The following RAPGEF2 variants were observed in gnomAD, a reference collection of about 807,000 sequenced individuals.
RAPGEF2 encodes the protein PDZ domain containing guanine nucleotide exchange factor (GEF) 1.
A neutral mutation model predicts 186.7 loss-of-function variants in RAPGEF2; 54 were observed. The ratio of observed to expected loss-of-function variants is 0.29; its 90% CI spans 0.23 to 0.36. RAPGEF2 has a LOEUF of 0.36. Ranked by LOEUF, RAPGEF2 falls within the 10% of genes least tolerant of loss-of-function variation. RAPGEF2 has a pLI of 1.00. For synonymous variants in RAPGEF2, 712 were observed against 705.9 expected (o/e 1.01, Z -0.14); for missense variants, 1,532 against 2,045.0 (o/e 0.75, Z 4.84).
intron 22 of RAPGEF2, 88 bp from the exon 23 acceptor site, chr4:159,343,948 A>G (rs991140449): frequency 7.3e-7 from 1 of 1,372,314 alleles, no homozygotes; most frequent in African/African-American, 1.4e-5. Flanking sequence ...CTGCTTATCC[A>G]GAAGTCTAGT....
At chr4:159,307,138 T>A (rs922753234) in intron 8 of RAPGEF2, among the ~76,000 whole-genome samples, 3 of 152,186 alleles carry the variant, frequency 2.0e-5, no homozygotes, top group Non-Finnish European at 4.4e-5. Context: ...AACTCTTGGC[T>A]TATTAGGAAC....
intron 1 of RAPGEF2, among the ~76,000 whole-genome samples, chr4:159,146,764 C>T (rs1169373185): frequency 2.0e-5 from 3 of 152,166 alleles, no homozygotes; most frequent in Non-Finnish European, 2.9e-5. Flanking sequence ...TAGGTTTCTT[C>T]CCTCCCAGCT....
chr4:159,298,970 A>G (rs1762338936), intron 7 of RAPGEF2, among the ~76,000 whole-genome samples: 1 of 152,224 alleles, frequency 6.6e-6, no homozygotes, highest in Non-Finnish European at 1.5e-5. Context: ...GAATGAAAAT[A>G]TAGTATCCTT....
intron 4 of RAPGEF2, among the ~76,000 whole-genome samples, chr4:159,215,359 G>GA (rs1466884350): frequency 6.6e-6 from 1 of 151,044 alleles, no homozygotes; most frequent in Non-Finnish European, 1.5e-5. Context: ...TATTTTGGGG[G>GA]AAAGATGGGG....
At chr4:159,268,256 A>C (rs758312448) in intron 7 of RAPGEF2, 1 of 1,430,288 alleles carries the variant, frequency 7.0e-7, no homozygotes, top group South Asian at 1.1e-5. Context: ...ATAGCACGTC[A>C]TAGAGAACTG....
chr4:159,275,054 C>CGTGTGTGT (rs35461332), intron 7 of RAPGEF2, among the ~76,000 whole-genome samples: 4,509 of 143,924 alleles, frequency 0.031, 93 homozygotes, highest in Middle Eastern at 0.05. Flanking sequence ...CTCTGTCTCT[C>CGTGTGTGT]GTGTGTGTGT....
At chr4:159,238,226 C>T (rs1293305709) in intron 4 of RAPGEF2, among the ~76,000 whole-genome samples, 2 of 152,242 alleles carry the variant, frequency 1.3e-5, no homozygotes, top group East Asian at 1.9e-4. Flanking sequence ...GTGCAGAGTT[C>T]TCAGGAGGAA....
intron 1 of RAPGEF2, among the ~76,000 whole-genome samples, chr4:159,143,563 T>C (rs1742583545): frequency 6.6e-6 from 1 of 152,202 alleles, no homozygotes. Flanking sequence ...TACCATGTGA[T>C]ATAATGTAGT....
At chr4:159,246,968 G>GTA (rs896053299) in intron 7 of RAPGEF2, among the ~76,000 whole-genome samples, 30 of 152,124 alleles carry the variant, frequency 2.0e-4, no homozygotes, top group African/African-American at 5.1e-4. Flanking sequence ...ATCTGTTTAT[G>GTA]TATATATATG....
At chr4:159,202,736 G>A (rs1223580798) in intron 3 of RAPGEF2, among the ~76,000 whole-genome samples, 1 of 152,048 alleles carries the variant, frequency 6.6e-6, no homozygotes, top group Admixed American at 6.6e-5. Context: ...CGAATAGTTG[G>A]GACTATAGGC....
chr4:159,275,368 A>G (rs1758722936), intron 7 of RAPGEF2, among the ~76,000 whole-genome samples: 1 of 152,180 alleles, frequency 6.6e-6, no homozygotes, highest in African/African-American at 2.4e-5. Flanking sequence ...AAATTTCTTT[A>G]CAATTATCAA....
At chr4:159,149,529 T>C (rs1743307207) in intron 1 of RAPGEF2, among the ~76,000 whole-genome samples, 1 of 152,186 alleles carries the variant, frequency 6.6e-6, no homozygotes, top group African/African-American at 2.4e-5. Flanking sequence ...AGTGCTGGGA[T>C]TACAGGTGTG....
At chr4:159,226,683 C>A (rs1025714270) in intron 4 of RAPGEF2, among the ~76,000 whole-genome samples, 2 of 152,136 alleles carry the variant, frequency 1.3e-5, no homozygotes, top group Non-Finnish European at 2.9e-5. Context: ...GTGTACAGAT[C>A]ATACACATTC....
chr4:159,250,970 A>AC (rs1755274951), intron 7 of RAPGEF2, among the ~76,000 whole-genome samples: 1 of 152,206 alleles, frequency 6.6e-6, no homozygotes, highest in African/African-American at 2.4e-5. Flanking sequence ...CTCATGGGCC[A>AC]GCACGAGTTC....
At chr4:159,244,656 A>G (rs1158230490) in intron 7 of RAPGEF2, among the ~76,000 whole-genome samples, 2 of 152,000 alleles carry the variant, frequency 1.3e-5, no homozygotes, top group Non-Finnish European at 2.9e-5. Context: ...CAGGGAAAAG[A>G]TCATGAATAA....
chr4:159,310,165 T>G (rs929943566), intron 8 of RAPGEF2, among the ~76,000 whole-genome samples: 3 of 152,114 alleles, frequency 2.0e-5, no homozygotes, highest in Non-Finnish European at 4.4e-5. Context: ...CCTTAAGTAT[T>G]TGAAACATAA....
intron 7 of RAPGEF2, among the ~76,000 whole-genome samples, chr4:159,279,895 G>T (rs1294711434): frequency 6.6e-6 from 1 of 152,034 alleles, no homozygotes; most frequent in Non-Finnish European, 1.5e-5. Context: ...TGTTGGCCAG[G>T]CTGCTCTCTT....
At chr4:159,324,597 A>AT (rs1245704420) in intron 11 of RAPGEF2, among the ~76,000 whole-genome samples, 12 of 152,208 alleles carry the variant, frequency 7.9e-5, no homozygotes, top group African/African-American at 2.7e-4. Context: ...TAAGAAATTG[A>AT]TTTTAGAAGA....
intron 4 of RAPGEF2, among the ~76,000 whole-genome samples, chr4:159,222,506 T>G (rs1751639118): frequency 6.6e-6 from 1 of 152,232 alleles, no homozygotes; most frequent in Non-Finnish European, 1.5e-5. Flanking sequence ...TAAATAATGC[T>G]ATATTTCATA....
Sources: gnomAD v4.1 joint callset for allele counts (sites outside exome capture counted in the v4.1 genomes callset) on GRCh38, gnomAD v4.1.1 for gene constraint, MANE v1.5 for transcripts, NCBI Gene and HGNC (gene_info 2026-07-23, HGNC 2026-07-21) for gene names.